Variants in KAT6A observed in about 807,000 individuals in gnomAD.
KAT6A encodes histone acetyltransferase KAT6A.
Under a neutral mutation model 198.4 loss-of-function variants are expected in KAT6A, and 9 were observed. The ratio of observed to expected loss-of-function variants is 0.05; its 90% CI spans 0.03 to 0.08. The LOEUF is 0.08. Ranked by LOEUF, KAT6A falls within the 10% of genes least tolerant of loss-of-function variation. KAT6A has a pLI of 1.00. For synonymous variants in KAT6A, 890 were observed against 883.0 expected (o/e 1.01, Z -0.14); for missense variants, 2,077 against 2,509.9 (o/e 0.83, Z 3.69).
intron 2 of KAT6A, among the ~76,000 whole-genome samples, chr8:42,045,704 G>A (rs1802218792): frequency 6.6e-6 from 1 of 151,646 alleles, no homozygotes; most frequent in Non-Finnish European, 1.5e-5. Context: ...CAGGTGCGGT[G>A]GATCATTCCT....
chr8:41,966,784 T>C (rs1823513226), intron 8 of KAT6A, among the ~76,000 whole-genome samples: 1 of 152,164 alleles, frequency 6.6e-6, no homozygotes, highest in Non-Finnish European at 1.5e-5. Flanking sequence ...ACTTAGCACA[T>C]GCCTAATGAT....
At chr8:42,005,763 TACACACACAC>T (rs142174569) in intron 2 of KAT6A, among the ~76,000 whole-genome samples, 60 of 142,114 alleles carry the variant, frequency 4.2e-4, no homozygotes, top group African/African-American at 1.2e-3. Flanking sequence ...TGCAAGCAAA[TACACACACAC>T]ACACACACAC....
intron 8 of KAT6A, chr8:41,957,431 A>G (rs1822978218): frequency 5.4e-6 from 2 of 373,274 alleles, no homozygotes; most frequent in Non-Finnish European, 5.3e-6. Flanking sequence ...TCAAACTGTC[A>G]TATCTGAACT....
At chr8:41,940,806 T>G in intron 15 of KAT6A, 36 bp downstream of exon 15, 1 of 1,575,852 alleles carries the variant, frequency 6.3e-7, no homozygotes, top group Non-Finnish European at 8.6e-7. Context: ...TAAACTGGAA[T>G]TGGAGGAAGA....
intron 1 of KAT6A, among the ~76,000 whole-genome samples, chr8:42,050,539 C>G (rs972470675): frequency 6.6e-6 from 1 of 152,136 alleles, no homozygotes; most frequent in Non-Finnish European, 1.5e-5. Context: ...ACTATTAACT[C>G]TGATAGGAAA....
At chr8:42,019,375 G>C (rs1826420974) in intron 2 of KAT6A, among the ~76,000 whole-genome samples, 1 of 152,022 alleles carries the variant, frequency 6.6e-6, no homozygotes, top group Non-Finnish European at 1.5e-5. Flanking sequence ...TTATGTGCCA[G>C]GAACATTTTT....
rs553571861 is a variant in KAT6A, at chr8:41,935,460, T to C, written c.3353-593A>G. On this transcript the variant is annotated intron_variant, in intron 16 of 16. Coordinates refer to ENST00000265713, the MANE Select transcript of KAT6A (RefSeq NM_006766.5). The stretch of plus-strand genomic sequence containing the variant: ...TGGGAATAGCTGCAAAGCATTTATT[T>C]AGTCCTAGACAAAAACTGACATTTA... Among the ~76,000 whole-genome samples the C allele has an allele frequency of 2.6e-5, 4 of 152,332 alleles. No individual in the cohort carries two copies. The South Asian group carries it at 8.3e-4, about 32-fold the overall frequency.
At chr8:41,967,254 T>C (rs1481276860) in intron 8 of KAT6A, among the ~76,000 whole-genome samples, 2 of 91,080 alleles carry the variant, frequency 2.2e-5, no homozygotes, top group African/African-American at 5.0e-5. Context: ...CAAACGCGTC[T>C]TTCTTTTTTT....
intron 2 of KAT6A, among the ~76,000 whole-genome samples, chr8:42,042,168 C>T (rs571191957): frequency 2.6e-5 from 4 of 152,050 alleles, no homozygotes; most frequent in Non-Finnish European, 5.9e-5. Context: ...AACTTAAAAA[C>T]ATATCCCTGG....
At chr8:42,041,078 C>T (rs1388134115) in intron 2 of KAT6A, among the ~76,000 whole-genome samples, 4 of 151,436 alleles carry the variant, frequency 2.6e-5, no homozygotes, top group African/African-American at 9.7e-5. Flanking sequence ...GCCTGTAATC[C>T]CAGCTATTTG....
At chr8:41,989,520 C>CGTG (rs1824806591) in intron 2 of KAT6A, among the ~76,000 whole-genome samples, 1 of 148,302 alleles carries the variant, frequency 6.7e-6, no homozygotes, top group Non-Finnish European at 1.5e-5. Flanking sequence ...GGAAAAATAA[C>CGTG]ATAACGTAAC....
chr8:42,027,917 C>T (rs896413343), intron 2 of KAT6A, among the ~76,000 whole-genome samples: 1 of 152,088 alleles, frequency 6.6e-6, no homozygotes, highest in East Asian at 1.9e-4. Flanking sequence ...CACTTATTGG[C>T]TGTAAACTTC....
chr8:41,963,740 C>CTAAA (rs148470601), intron 8 of KAT6A, among the ~76,000 whole-genome samples: 2,983 of 152,226 alleles, frequency 0.02, 87 homozygotes, highest in African/African-American at 0.067. Context: ...TCCTCAAGAG[C>CTAAA]TATTTAGCTA....
At chr8:42,027,500 G>A (rs1019953441) in intron 2 of KAT6A, among the ~76,000 whole-genome samples, 2 of 152,050 alleles carry the variant, frequency 1.3e-5, no homozygotes, top group African/African-American at 2.4e-5. Flanking sequence ...TTCAGGTATT[G>A]TTTCTTCCTG....
At chr8:41,992,170 C>T (rs1232153613) in intron 2 of KAT6A, among the ~76,000 whole-genome samples, 1 of 151,330 alleles carries the variant, frequency 6.6e-6, no homozygotes, top group Non-Finnish European at 1.5e-5. Flanking sequence ...CACTGCACCC[C>T]AGCCTAGCAA....
chr8:42,005,864 T>C (rs1587814711), intron 2 of KAT6A, among the ~76,000 whole-genome samples: 1 of 151,816 alleles, frequency 6.6e-6, no homozygotes, highest in Non-Finnish European at 1.5e-5. Context: ...GAACTGCCTT[T>C]GAAAAAAAGC....
chr8:42,029,069 G>A (rs1032454179), intron 2 of KAT6A, among the ~76,000 whole-genome samples: 13 of 152,104 alleles, frequency 8.5e-5, no homozygotes, highest in African/African-American at 2.9e-4. Context: ...TTTGTTAGGT[G>A]TAGTATTCTT....
chr8:42,022,526 T>C (rs1310665094), intron 2 of KAT6A, among the ~76,000 whole-genome samples: 5 of 152,168 alleles, frequency 3.3e-5, no homozygotes, highest in Admixed American at 6.5e-5. Context: ...TGAAAGCATG[T>C]AGTCAAAAGT....
chr8:42,051,858 T>TGGGCGGCCGG (rs931690615), intron 1 of KAT6A, 43 bp downstream of exon 1: 3 of 146,654 alleles, frequency 2.0e-5, no homozygotes, highest in Admixed American at 6.7e-5. Context: ...GGCCTCGGGC[T>TGGGCGGCCGG]GGGCGGCCGG....
Sources: gnomAD v4.1 joint callset for allele counts (sites outside exome capture counted in the v4.1 genomes callset) on GRCh38, gnomAD v4.1.1 for gene constraint, MANE v1.5 for transcripts, NCBI Gene and HGNC (gene_info 2026-07-23, HGNC 2026-07-21) for gene names.